Variants in HERC4 observed in about 807,000 individuals in gnomAD.
HERC4 encodes probable E3 ubiquitin-protein ligase HERC4.
Under a neutral mutation model 124.3 loss-of-function variants are expected in HERC4, and 28 were observed. The ratio of observed to expected loss-of-function variants is 0.23; its 90% CI spans 0.17 to 0.31. HERC4 has a LOEUF of 0.31. HERC4 is among the 10% of genes least tolerant of loss of function. The pLI is 1.00. For missense variants in HERC4, 713 were observed against 1,229.3 expected (o/e 0.58, Z 6.28); for synonymous variants, 407 against 421.5 (o/e 0.97, Z 0.42).
chr10:67,957,835 T>A (rs1467002302), intron 16 of HERC4, among the ~76,000 whole-genome samples: 1 of 152,042 alleles, frequency 6.6e-6, no homozygotes, highest in Non-Finnish European at 1.5e-5. Flanking sequence ...CCATACAGAG[T>A]CTTGCACTGA....
At chr10:68,067,974 TAA>T (rs1445281946) in intron 3 of HERC4, 2 of 152,244 alleles carry the variant, frequency 1.3e-5, no homozygotes, top group East Asian at 3.8e-4. Flanking sequence ...AAATGATTTT[TAA>T]GTTTGTGTAC....
chr10:68,015,386 A>T (rs2038200913), intron 8 of HERC4, among the ~76,000 whole-genome samples: 1 of 152,236 alleles, frequency 6.6e-6, no homozygotes. Flanking sequence ...ACTAAAACAA[A>T]GAACTATTAG....
chr10:67,966,673 G>A lies in HERC4; in HGVS notation c.1926+10C>T. ...TAAAAATGAAATCACAAATTGCACA[G>A]AAAACCTACCATTCCATAGGCCTGC... On this transcript the variant is annotated intron_variant, in intron 16 of 24. Transcript: ENST00000373700. 1 of 1,601,322 alleles carries A rather than the reference G, an allele frequency of 6.2e-7. No homozygotes were observed. Among genetic ancestry groups the A allele is most frequent in the African/African-American group, 1.3e-5 (1 of 74,180 alleles).
At chr10:67,947,174 T>C (rs891282366) in intron 19 of HERC4, among the ~76,000 whole-genome samples, 2 of 152,174 alleles carry the variant, frequency 1.3e-5, no homozygotes, top group Non-Finnish European at 2.9e-5. Context: ...AGAATACACA[T>C]TGTTCTCTAC....
Position 67,955,078 on chromosome 10 carries a change from A to G in HERC4, c.2078T>C (p.Val693Ala). 1 of 1,594,160 alleles carries G rather than the reference A, an allele frequency of 6.3e-7. No homozygotes were observed. Among genetic ancestry groups the G allele is most frequent in the Non-Finnish European group, 8.5e-7 (1 of 1,172,592 alleles). The part of the protein sequence containing the change: ...RQNVSSLFLP[V>A]IESVNPCLIL... ...TAAGCAGGGATTCACAGATTCAATCACTGGGAGAAAAAGAGAGGAGACATT... is the reference window on the plus strand; with the variant it reads ...TAAGCAGGGATTCACAGATTCAATCGCTGGGAGAAAAAGAGAGGAGACATT... The change falls in exon 18 of 25, where the codon GTG (valine) becomes GCG (alanine). Residue 693 changes from valine (V) to alanine (A), a missense_variant. Physicochemically the swap from Val to Ala is moderately conservative, Grantham distance 64. Transcript: ENST00000373700.
At chr10:68,030,205 A>T (rs2039128935) in intron 7 of HERC4, among the ~76,000 whole-genome samples, 1 of 151,758 alleles carries the variant, frequency 6.6e-6, no homozygotes, top group Non-Finnish European at 1.5e-5. Context: ...TCTGGGAGGC[A>T]GAGGCGGGCA....
rs201272720 is a variant in HERC4 at position 68,062,417 on chromosome 10, CCTCT to C, written c.226+10462_226+10465del. Among the ~76,000 whole-genome samples the C allele has an allele frequency of 1.1e-3, 165 of 152,226 alleles. 1 individual carries two copies. The East Asian group carries it at 0.023, about 22-fold the overall frequency. ...TACCAAAGCCTGTCCATTCTTTCTG[CCTCT>C]CTAAGTCTCCATCATCTACCTGCTC... On this transcript the variant is annotated intron_variant, in intron 3 of 24. Coordinates refer to ENST00000373700, the MANE Select transcript of HERC4 (RefSeq NM_015601.4).
At chr10:67,935,769 G>A (rs2032305514) in intron 22 of HERC4, among the ~76,000 whole-genome samples, 1 of 152,176 alleles carries the variant, frequency 6.6e-6, no homozygotes, top group African/African-American at 2.4e-5. Flanking sequence ...CTTCTTATAA[G>A]AGTTCTAGCA....
chr10:68,025,187 T>TA (rs1388445704), intron 8 of HERC4, among the ~76,000 whole-genome samples: 3 of 151,624 alleles, frequency 2.0e-5, no homozygotes, highest in Admixed American at 6.6e-5. Context: ...ATAATTGTGG[T>TA]ACTCCAGACT....
chr10:67,936,453 C>A (rs1056471667), intron 21 of HERC4, among the ~76,000 whole-genome samples: 3 of 152,118 alleles, frequency 2.0e-5, no homozygotes, highest in Admixed American at 1.3e-4. Flanking sequence ...TTACAAATTA[C>A]CAAGTTTGGT....
intron 19 of HERC4, among the ~76,000 whole-genome samples, chr10:67,942,156 A>AT (rs2032967239): frequency 6.6e-6 from 1 of 152,212 alleles, no homozygotes; most frequent in Non-Finnish European, 1.5e-5. Context: ...TGGTTAAAGA[A>AT]TAAATGTTTT....
intron 23 of HERC4, among the ~76,000 whole-genome samples, chr10:67,926,176 C>T (rs2030915216): frequency 1.3e-5 from 2 of 152,200 alleles, no homozygotes; most frequent in African/African-American, 4.8e-5. Flanking sequence ...GGGCAGATCA[C>T]TTGAGGTCAG....
At chr10:68,070,295 AG>A in intron 3 of HERC4, 1 of 960,716 alleles carries the variant, frequency 1.0e-6, no homozygotes, top group Non-Finnish European at 1.2e-6. Flanking sequence ...CTTAAAATTT[AG>A]TTAAAAACAT....
chr10:68,010,993 G>A (rs749383654), intron 9 of HERC4: 68 of 754,964 alleles, frequency 9.0e-5, no homozygotes, highest in Non-Finnish European at 1.3e-4. Context: ...TTCGAATGAA[G>A]TCTTGAGCCC....
intron 23 of HERC4, among the ~76,000 whole-genome samples, chr10:67,930,878 C>A (rs1415067222): frequency 2.0e-5 from 3 of 152,104 alleles, no homozygotes; most frequent in African/African-American, 7.2e-5. Flanking sequence ...TGGGGTTTCA[C>A]CATGTTGGCC....
At chr10:68,068,901 T>A (rs754732216) in intron 3 of HERC4, 2 of 264,956 alleles carry the variant, frequency 7.5e-6, no homozygotes, top group Non-Finnish European at 1.2e-5. Flanking sequence ...CGGACCATGA[T>A]ACCTGCCTTA....
rs188761546 is a variant in HERC4, at chr10:68,038,086, T to A, written c.463+7A>T. 1 of 1,430,654 alleles carries A rather than the reference T, an allele frequency of 7.0e-7. No individual in the cohort carries two copies. Among genetic ancestry groups the A allele is most frequent in the Non-Finnish European group, 9.5e-7 (1 of 1,056,398 alleles). The allele number at this position is 1,430,654 out of a possible 1,614,324, so 88.6% of individuals were successfully genotyped here. A position where few individuals can be genotyped will look rare whatever the true frequency, so the allele number is the denominator to read the frequency against. The stretch of plus-strand genomic sequence containing the variant: ...TGAAGAGAAATAAAATAAAAACTAA[T>A]GCTTACCTTTAGAAAGTGCAAGTGA... On this transcript the variant is annotated splice_region_variant and intron_variant, in intron 5 of 24. Coordinates refer to ENST00000373700, the MANE Select transcript of HERC4 (RefSeq NM_015601.4).
At chr10:68,000,946 TTGTTAC>T (rs2132931447) in intron 9 of HERC4, among the ~76,000 whole-genome samples, 1 of 152,214 alleles carries the variant, frequency 6.6e-6, no homozygotes, top group East Asian at 1.9e-4. Context: ...TTGTGGTAGG[TTGTTAC>T]AAGCAACTCT....
At chr10:68,070,939 A>C (rs1343284757) in intron 3 of HERC4, among the ~76,000 whole-genome samples, 1 of 152,240 alleles carries the variant, frequency 6.6e-6, no homozygotes, top group Non-Finnish European at 1.5e-5. Flanking sequence ...CCCATCATTT[A>C]AATGTCCTAG....
Sources: allele counts gnomAD v4.1 joint callset (sites outside exome capture counted in the v4.1 genomes callset), GRCh38; gene constraint gnomAD v4.1.1; transcripts MANE v1.5; gene names NCBI Gene and HGNC (gene_info 2026-07-23, HGNC 2026-07-21).